The following CCNY variants were observed in gnomAD, a reference collection of about 807,000 sequenced individuals.
CCNY encodes the protein cyclin-Y.
A neutral mutation model predicts 42.8 loss-of-function variants in CCNY; 19 were observed. That is an observed-to-expected ratio of 0.44 (90% CI 0.31 to 0.65). The LOEUF (loss-of-function observed/expected upper bound fraction) is 0.65. Ranked by LOEUF, CCNY falls within the 30% of genes least tolerant of loss-of-function variation. The probability of loss-of-function intolerance (pLI) is 0.07; values close to 1 mark genes in which losing one functional copy is unlikely to be tolerated. For synonymous variants in CCNY, 165 were observed against 162.7 expected (o/e 1.01, Z -0.11); for missense variants, 370 against 437.3 (o/e 0.85, Z 1.37).
chr10:35,442,752 A>G (rs1838700918), intron 1 of CCNY, among the ~76,000 whole-genome samples: 1 of 152,094 alleles, frequency 6.6e-6, no homozygotes, highest in Non-Finnish European at 1.5e-5. Context: ...GGTTTGTGTT[A>G]TTTTCTCCCT....
intron 1 of CCNY, among the ~76,000 whole-genome samples, chr10:35,347,744 A>T (rs572035396): frequency 8.5e-5 from 13 of 152,246 alleles, no homozygotes; most frequent in African/African-American, 3.1e-4. Context: ...TCTATTAATG[A>T]TTATATGATC....
At chr10:35,449,689 A>C (rs1345947694) in intron 1 of CCNY, 8 of 899,008 alleles carry the variant, frequency 8.9e-6, no homozygotes, top group Non-Finnish European at 1.1e-5. Flanking sequence ...GGCCCCAGGG[A>C]GGTACCTTTT....
At chr10:35,293,742 G>C (rs930524804) in intron 3 of CCNY, among the ~76,000 whole-genome samples, 1 of 149,662 alleles carries the variant, frequency 6.7e-6, no homozygotes, top group African/African-American at 2.5e-5. Flanking sequence ...TGTCTTCTAA[G>C]TTTCATTTTC....
At chr10:35,291,786 C>T (rs1348196675) in intron 3 of CCNY, among the ~76,000 whole-genome samples, 2 of 152,106 alleles carry the variant, frequency 1.3e-5, no homozygotes, top group African/African-American at 4.8e-5. Flanking sequence ...CCACTGGCCT[C>T]GGCCTCCCAA....
intron 1 of CCNY, among the ~76,000 whole-genome samples, chr10:35,412,668 C>T (rs375756931): frequency 3.4e-5 from 5 of 146,276 alleles, no homozygotes; most frequent in South Asian, 2.2e-4. Context: ...CTAGGCAACA[C>T]GGTGAAACTC....
At chr10:35,542,129 G>A (rs924981154) in intron 7 of CCNY, among the ~76,000 whole-genome samples, 17 of 142,910 alleles carry the variant, frequency 1.2e-4, no homozygotes, top group Admixed American at 2.1e-4. Context: ...GTATCTAGTT[G>A]CCGTGTCTCC....
intron 1 of CCNY, among the ~76,000 whole-genome samples, chr10:35,389,733 G>A (rs1181706600): frequency 2.0e-5 from 3 of 152,196 alleles, no homozygotes; most frequent in South Asian, 2.1e-4. Flanking sequence ...CATCACACCC[G>A]GCTGAGAATT....
intron 3 of CCNY, among the ~76,000 whole-genome samples, chr10:35,324,505 G>T (rs991057554): frequency 6.6e-6 from 1 of 152,134 alleles, no homozygotes; most frequent in Admixed American, 6.6e-5. Flanking sequence ...AAATTACACC[G>T]ACAAATACGT....
At chr10:35,495,602 C>T (rs1401618087) in intron 2 of CCNY, among the ~76,000 whole-genome samples, 1 of 152,194 alleles carries the variant, frequency 6.6e-6, no homozygotes, top group Non-Finnish European at 1.5e-5. Flanking sequence ...TGTCACGTTC[C>T]TCTGTGCCCA....
At chr10:35,247,230 CACTAGCAGAGACTGCAG>C (rs1333594899) in intron 1 of CCNY, 1 of 152,958 alleles carries the variant, frequency 6.5e-6, no homozygotes, top group Non-Finnish European at 1.5e-5. Flanking sequence ...TTGGGCGGTG[CACTAGCAGAGACTGCAG>C]CCAGGAGACT....
chr10:35,300,143 G>A (rs1202747218), intron 3 of CCNY, among the ~76,000 whole-genome samples: 2 of 152,134 alleles, frequency 1.3e-5, no homozygotes, highest in Non-Finnish European at 2.9e-5. Context: ...AGAGTTTTAC[G>A]TTGTGCGTGA....
chr10:35,376,033 C>G (rs992607647), intron 1 of CCNY, among the ~76,000 whole-genome samples: 8 of 152,126 alleles, frequency 5.3e-5, no homozygotes, highest in Non-Finnish European at 7.4e-5. Context: ...GCCTTGGAAG[C>G]TCTGAGGGGT....
intron 1 of CCNY, among the ~76,000 whole-genome samples, chr10:35,452,770 T>TAAA (rs35849411): frequency 6.9e-5 from 8 of 115,912 alleles, no homozygotes; most frequent in South Asian, 2.7e-4. Context: ...TATAGAAAAG[T>TAAA]AAAAAAAAAA....
chr10:35,568,449 G>A (rs996408757), intron 9 of CCNY, among the ~76,000 whole-genome samples: 1 of 152,232 alleles, frequency 6.6e-6, no homozygotes, highest in Non-Finnish European at 1.5e-5. Flanking sequence ...GAGTAGCATG[G>A]TCCCCCGTCC....
At chr10:35,462,744 A>G (rs1031525588) in intron 1 of CCNY, among the ~76,000 whole-genome samples, 1 of 152,186 alleles carries the variant, frequency 6.6e-6, no homozygotes, top group Non-Finnish European at 1.5e-5. Context: ...GGTCAGAAAC[A>G]CTAGCCGTCC....
chr10:35,385,269 A>G (rs1837278926), intron 1 of CCNY, among the ~76,000 whole-genome samples: 1 of 152,152 alleles, frequency 6.6e-6, no homozygotes, highest in African/African-American at 2.4e-5. Context: ...TTTTAGCCCT[A>G]ATTTGCAGAA....
chr10:35,267,083 C>CAAA (rs34140857), intron 3 of CCNY, among the ~76,000 whole-genome samples: 1,161 of 106,578 alleles, frequency 0.011, 8 homozygotes, highest in Non-Finnish European at 0.015. Context: ...ACTTCTGTCT[C>CAAA]AAAAAAAAAA....
At chr10:35,491,570 A>C (rs1461229404) in intron 2 of CCNY, among the ~76,000 whole-genome samples, 1 of 152,188 alleles carries the variant, frequency 6.6e-6, no homozygotes, top group Non-Finnish European at 1.5e-5. Context: ...ATCAGAAGTC[A>C]GCGTCTTTCC....
intron 3 of CCNY, among the ~76,000 whole-genome samples, chr10:35,300,950 G>T (rs765235848): frequency 6.6e-6 from 1 of 151,956 alleles, no homozygotes; most frequent in Non-Finnish European, 1.5e-5. Context: ...GATTACAGGC[G>T]GCCACCACCA....
Sources: gnomAD v4.1 joint callset for allele counts (sites outside exome capture counted in the v4.1 genomes callset) on GRCh38, gnomAD v4.1.1 for gene constraint, MANE v1.5 for transcripts, NCBI Gene and HGNC (gene_info 2026-07-23, HGNC 2026-07-21) for gene names.